ZNF48: variants seen among roughly 807,000 people sequenced by gnomAD.
The protein encoded by ZNF48 is zinc finger protein 48, also known as zinc finger protein 553.
Under a neutral mutation model 40.0 loss-of-function variants are expected in ZNF48, and 20 were observed. The ratio of observed to expected loss-of-function variants is 0.50; its 90% CI spans 0.35 to 0.73. The LOEUF is 0.73. ZNF48 is among the 30% of genes least tolerant of loss of function. The pLI is 0.01. For missense variants in ZNF48, 726 were observed against 851.9 expected (o/e 0.85, Z 1.84); for synonymous variants, 298 against 329.7 (o/e 0.90, Z 1.04).
chr16:30,386,634 T>C (rs896292424), intron 1 of ZNF48, among the ~76,000 whole-genome samples: 1 of 152,136 alleles, frequency 6.6e-6, no homozygotes, highest in East Asian at 1.9e-4. Context: ...AAAAAATATA[T>C]TTTTTAATGT....
Position 30,395,457 on chromosome 16 carries a change from C to G in ZNF48, c.-137C>G. 1 of 340,574 alleles carries G rather than the reference C, an allele frequency of 2.9e-6. No homozygotes were observed. Among genetic ancestry groups the G allele is most frequent in the South Asian group, 2.1e-5 (1 of 47,900 alleles). 21.1% of individuals were successfully genotyped at this position (340,574 alleles called of 1,614,324 possible). On this transcript the variant is annotated 5_prime_UTR_variant, in exon 1 of 3. Transcript: ENST00000613509. This position sits in a 1 kb window ranked among gnomAD's most constrained non-coding sequence, Gnocchi z 5.9. The stretch of plus-strand genomic sequence containing the variant: ...TGGCCGCCCCCGGGACGCCTGGGTC[C>G]GAGCCCGCTCCCGGCTTGGCGCGGA...
Position 30,381,005 on chromosome 16 carries a change from T to G in ZNF48, c.-16+2595T>G. On this transcript the variant is annotated intron_variant, in intron 1 of 2. Transcript: ENST00000528032. This position sits in a 1 kb window ranked among gnomAD's most constrained non-coding sequence, Gnocchi z 4.3. ...CTTACCACCCGCCTTCCTCAGAAGC[T>G]TCTCCTACAATCTAGCCTGATGCAC... The G allele has an allele frequency of 1.2e-6, 1 of 835,654 alleles. No individual in the cohort carries two copies. Among genetic ancestry groups the G allele is most frequent in the Non-Finnish European group, 2.0e-6 (1 of 493,408 alleles). 51.8% of individuals were successfully genotyped at this position (835,654 alleles called of 1,614,324 possible).
Position 30,400,013 on chromosome 16 carries a change from G to T in ZNF48, c.*906G>T, listed in dbSNP as rs1382343322. 1 of 152,278 alleles carries T rather than the reference G, an allele frequency of 6.6e-6. No individual in the cohort carries two copies. The highest frequency in any genetic ancestry group is 1.5e-5 in the Non-Finnish European group (1 of 68,074). 9.4% of individuals were successfully genotyped at this position (152,278 alleles called of 1,614,324 possible). ...GTGTGTACACACAGGCATGAAAAAG[G>T]TGGAGAGGGGTCTCTGCGCGCAAAA... On this transcript the variant is annotated 3_prime_UTR_variant, in exon 3 of 3. Transcript: ENST00000613509.
upstream of ZNF48, among the ~76,000 whole-genome samples, chr16:30,391,126 C>A (rs534533158): frequency 2.5e-4 from 38 of 152,226 alleles, no homozygotes; most frequent in Non-Finnish European, 4.6e-4. Context: ...TCTCTATTTT[C>A]CTCTCTGAAG....
intron 1 of ZNF48, among the ~76,000 whole-genome samples, chr16:30,385,176 AAATAATAATAATAATAATAATAAT>A (rs71149012): frequency 2.8e-4 from 40 of 140,900 alleles, no homozygotes; most frequent in African/African-American, 7.2e-4. Flanking sequence ...ACTCTTTCTC[AAATAATAATAATAATAATAATAAT>A]AATAATAATA....
At position 30,395,816 on chromosome 16, in the gene ZNF48, TG is replaced by T; in HGVS notation, c.26del (p.Gly9AlafsTer20). MERAVEP[W>X]GPDLHRPEER... ...GGCGATGGAGCGCGCGGTAGAGCCT[TG>T]GGGCCCAGATCTCCACCGCCCGGAG... On this transcript the variant is annotated frameshift_variant, in exon 2 of 3. Transcript: ENST00000613509. LOFTEE classifies it high-confidence loss of function. The surrounding 1 kb of genome is among the most constrained non-coding windows in gnomAD (Gnocchi z 5.9). 6.5e-7 allele frequency: 1 copy of T among 1,549,368 alleles called. No individual in the cohort carries two copies. Among genetic ancestry groups the T allele is most frequent in the Non-Finnish European group, 8.7e-7 (1 of 1,151,928 alleles).
In ZNF48 at chr16:30,398,452, C is replaced by T. The variant is rs756594019; in HGVS notation, c.1202C>T (p.Pro401Leu). Residue 401 changes from proline (P) to leucine (L), a missense_variant, in exon 3 of 3, where the codon CCA becomes CTA. Pro to Leu is a moderately conservative substitution (Grantham distance 98, BLOSUM62 -3). Around this residue, in one of 5 missense-constraint regions of ZNF48, gnomAD observed 378 missense variants for 449.1 expected, o/e 0.84. Coordinates refer to ENST00000613509, the MANE Select transcript of ZNF48 (RefSeq NM_001214909.2). This position sits in a 1 kb window ranked among gnomAD's most constrained non-coding sequence, Gnocchi z 6.6. ...CCCCTACCCGCTCTGATCCCCAGCC[C>T]ACCCCCACCTCCTCTGGGCACCAGC... ...GYPLPALIPS[P>L]PPPPLGTSPP... 1 of 1,591,338 alleles carries T rather than the reference C, an allele frequency of 6.3e-7. No individual in the cohort carries two copies. The highest frequency in any genetic ancestry group is 1.1e-5 in the South Asian group (1 of 87,906).
chr16:30,390,922 C>A, upstream of ZNF48, among the ~76,000 whole-genome samples: 1 of 151,246 alleles, frequency 6.6e-6, no homozygotes, highest in Non-Finnish European at 1.5e-5. Flanking sequence ...CCGCGCCTGG[C>A]CAGAGACAGG....
chr16:30,379,003 C>T (rs927924889), intron 1 of ZNF48: 3 of 1,610,138 alleles, frequency 1.9e-6, no homozygotes, highest in Admixed American at 3.3e-5. Flanking sequence ...TGATACTGTC[C>T]GCCCCGGGTC....
intron 2 of ZNF48, among the ~76,000 whole-genome samples, chr16:30,396,359 C>T (rs926790072): frequency 1.3e-5 from 2 of 152,150 alleles, no homozygotes; most frequent in African/African-American, 4.8e-5. Flanking sequence ...ATTTTCTCTT[C>T]GCTCTGCCGT....
rs752265929 is a variant in ZNF48, at chr16:30,382,288, C to T, written c.-16+3878C>T. 9.3e-6 allele frequency: 15 copies of T among 1,613,698 alleles called. No homozygotes were observed. The highest frequency in any genetic ancestry group is 6.7e-5 in the East Asian group (3 of 44,880). On this transcript the variant is annotated intron_variant, in intron 1 of 2. Transcript: ENST00000528032. This position sits in a 1 kb window ranked among gnomAD's most constrained non-coding sequence, Gnocchi z 4.8. The stretch of plus-strand genomic sequence containing the variant: ...AAACCCCCAGACCTGCCACCATTAG[C>T]GTGAAGTCAAACCCCTTCTTGACAG...
At position 30,398,941 on chromosome 16, in the gene ZNF48, C is replaced by T. The variant is rs2050024238; in HGVS notation, c.1691C>T (p.Thr564Ile). Residue 564 changes from threonine to isoleucine, a missense_variant, in exon 3 of 3, where the codon ACA becomes ATA. Transcript: ENST00000613509. The surrounding 1 kb of genome is among the most constrained non-coding windows in gnomAD (Gnocchi z 6.6). ...RSSDLVKHRR[T>I]HTGEKPYKCA... ...TCAGATCTGGTCAAACACAGGCGTACACACACGGGGGAGAAGCCATACAAG... is the reference window on the plus strand; with the variant it reads ...TCAGATCTGGTCAAACACAGGCGTATACACACGGGGGAGAAGCCATACAAG... 1 of 1,613,842 alleles carries T rather than the reference C, an allele frequency of 6.2e-7. No individual in the cohort carries two copies. The highest frequency in any genetic ancestry group is 8.5e-7 in the Non-Finnish European group (1 of 1,179,900).
Position 30,398,804 on chromosome 16 carries a change from T to C in ZNF48, c.1554T>C (p.His518=), listed in dbSNP as rs1212862411. 1 of 1,613,498 alleles carries C rather than the reference T, an allele frequency of 6.2e-7. No homozygotes were observed. ...CACCATCCACTCTGCTGCGGCCACA[T>C]AACCCACCTGGCCCAGTACCCATGG... ...PPPPSTLLRP[H]NPPGPVPMAP... is the part of the protein sequence containing the mutation. Residue 518 remains histidine (H), a synonymous_variant, in exon 3 of 3, where the codon CAT becomes CAC. Coordinates refer to ENST00000613509, the MANE Select transcript of ZNF48 (RefSeq NM_001214909.2). The surrounding 1 kb of genome is among the most constrained non-coding windows in gnomAD (Gnocchi z 6.6).
At chr16:30,378,738 G>C in intron 1 of ZNF48, 1 of 1,587,138 alleles carries the variant, frequency 6.3e-7, no homozygotes, top group South Asian at 1.1e-5. Context: ...ATCAGGAGCG[G>C]GACCTGAGGT....
Position 30,398,170 on chromosome 16 carries a change from T to A in ZNF48, c.920T>A (p.Val307Glu), listed in dbSNP as rs748049662. 3.7e-6 allele frequency: 6 copies of A among 1,613,950 alleles called. No individual in the cohort carries two copies. The highest frequency in any genetic ancestry group is 2.2e-5 in the South Asian group (2 of 91,072). Residue 307 changes from valine (V) to glutamate (E), a missense_variant, in exon 3 of 3, where the codon GTG becomes GAG. Val to Glu is a moderately radical substitution (Grantham distance 121). This residue lies in a region of ZNF48 where 378 missense variants were observed against 449.1 expected (regional missense o/e 0.84). Coordinates refer to ENST00000613509, the MANE Select transcript of ZNF48 (RefSeq NM_001214909.2). This position sits in a 1 kb window ranked among gnomAD's most constrained non-coding sequence, Gnocchi z 6.6. ...HLGPKPFGCD[V>E]CGKEFARGSD... ...GGGCCCAAGCCCTTTGGCTGTGATG[T>A]GTGTGGAAAGGAGTTTGCCCGGGGA... is the stretch of plus-strand genomic sequence containing the variant.
intron 1 of ZNF48, chr16:30,383,021 A>C: frequency 1.8e-6 from 1 of 551,728 alleles, no homozygotes; most frequent in Non-Finnish European, 3.3e-6. Flanking sequence ...ATCTCTACAA[A>C]ACATTAAAAA....
chr16:30,381,263 C>A lies in ZNF48; in HGVS notation c.-16+2853C>A, dbSNP rs377166446. On this transcript the variant is annotated intron_variant, in intron 1 of 2. Coordinates refer to the ZNF48 transcript ENST00000528032. This position sits in a 1 kb window ranked among gnomAD's most constrained non-coding sequence, Gnocchi z 4.3. ...CCGGAGCCTGCACCCAGGGATTGGT[C>A]ATTGCCCAGCCTCAGGGGGCAGAGA... 17 of 1,613,620 alleles carry A rather than the reference C, an allele frequency of 1.1e-5. No individual in the cohort carries two copies. The highest frequency in any genetic ancestry group is 2.2e-5 in the South Asian group (2 of 91,042).
At chr16:30,395,301 G>C (rs899245260), upstream of ZNF48, 44 of 453,828 alleles carry the variant, frequency 9.7e-5, no homozygotes, top group Non-Finnish European at 1.9e-4. The surrounding 1 kb of genome is among the most constrained non-coding windows in gnomAD (Gnocchi z 5.9). Flanking sequence ...TAGCCCCTGG[G>C]CCGCACGCTG....
chr16:30,395,892 C>T lies in ZNF48; in HGVS notation c.79+19C>T. On this transcript the variant is annotated intron_variant, in intron 2 of 2. Coordinates refer to ENST00000613509, the MANE Select transcript of ZNF48 (RefSeq NM_001214909.2). The surrounding 1 kb of genome is among the most constrained non-coding windows in gnomAD (Gnocchi z 5.9). ...CGCACAGGTGAGGGCCTCGGCCGTGCGCCGCCACGGACAGGTAACGGCCGG... is the reference window on the plus strand; with the variant it reads ...CGCACAGGTGAGGGCCTCGGCCGTGTGCCGCCACGGACAGGTAACGGCCGG... 3 of 1,511,252 alleles carry T rather than the reference C, an allele frequency of 2.0e-6. No homozygotes were observed. The highest frequency in any genetic ancestry group is 2.5e-5 in the East Asian group (1 of 39,724). 93.6% of individuals were successfully genotyped at this position (1,511,252 alleles called of 1,614,324 possible).
Sources: gnomAD v4.1 joint callset for allele counts (sites outside exome capture counted in the v4.1 genomes callset) on GRCh38, gnomAD v4.1.1 for gene constraint, gnomAD v4.1.1 regional missense constraint, Gnocchi (gnomAD v3.1) non-coding constraint, MANE v1.5 for transcripts, NCBI Gene and HGNC (gene_info 2026-07-23, HGNC 2026-07-21) for gene names.